The following SELP variants were observed in gnomAD, a reference collection of about 807,000 sequenced individuals.
SELP encodes the protein selectin P, also known as P-selectin.
In SELP, 92 loss-of-function variants were observed where a neutral mutation model predicts 104.1. The observed-to-expected ratio is 0.88, with a 90% CI of 0.75 to 1.05. SELP has a LOEUF of 1.05. Among genes scored for constraint, SELP ranks in the 50% least tolerant of loss-of-function variants. SELP has a pLI of 0.00. For missense variants in SELP, 1,022 were observed against 1,017.3 expected, an observed-to-expected ratio of 1.00 and a Z score of -0.06; for synonymous variants, 397 against 364.5, an observed-to-expected ratio of 1.09 and a Z score of -1.01.
chr1:169,590,308 G>C (rs1661292071), intron 15 of SELP, 106 bp from the exon 16 acceptor site: 1 of 803,350 alleles, frequency 1.2e-6, no homozygotes, highest in Admixed American at 2.2e-5. Context: ...TCCACCCTTG[G>C]AATTCTGCTT....
At chr1:169,590,274 A>G (rs1482440376) in intron 15 of SELP, 72 bp from the exon 16 acceptor site, 1 of 1,115,106 alleles carries the variant, frequency 9.0e-7, no homozygotes, top group African/African-American at 1.6e-5. Flanking sequence ...AACACATAGT[A>G]TTTCCAGAAA....
rs372978525 is a variant in SELP, at chr1:169,617,225, C to A, written c.284G>T (p.Arg95Leu). 1 of 1,614,104 alleles carries A rather than the reference C, an allele frequency of 6.2e-7. No homozygotes were observed. The highest frequency in any genetic ancestry group is 1.1e-5 in the South Asian group (1 of 91,072). The change falls in exon 3 of 17, where the codon CGA (arginine) becomes CTA (leucine). Residue 95 changes from arginine (R) to leucine (L), a missense_variant. Arg to Leu is a moderately radical substitution (Grantham distance 102). Transcript: ENST00000263686. ...YYSSYYWIGI[R>L]KNNKTWTWVG... ...CCATGTCCATGTCTTATTGTTCTTT[C>A]GGATCCCAATCCAGTAGTAGGAGCT... is the stretch of plus-strand genomic sequence containing the variant.
At chr1:169,620,825 G>GTGTGTT (rs1332087648) in intron 1 of SELP, among the ~76,000 whole-genome samples, 1 of 131,544 alleles carries the variant, frequency 7.6e-6, no homozygotes, top group South Asian at 2.7e-4. Context: ...GTGTGTGTGT[G>GTGTGTT]TGTATGTGTC....
chr1:169,617,121 C>T lies in SELP; in HGVS notation c.388G>A (p.Asp130Asn), dbSNP rs749606941. The T allele has an allele frequency of 1.2e-6, 2 of 1,614,046 alleles. No individual in the cohort carries two copies. Among genetic ancestry groups the T allele is most frequent in the South Asian group, 2.2e-5 (2 of 91,058 alleles). The change falls in exon 3 of 17, where the codon GAC (aspartate) becomes AAC (asparagine). Residue 130 changes from aspartate (D) to asparagine (N), a missense_variant. Coordinates refer to ENST00000263686, the MANE Select transcript of SELP (RefSeq NM_003005.4). The stretch of plus-strand genomic sequence containing the variant: ...CTCTTGATGTATATCTCCACGCAGT[C>T]CTCGTTGTTCCTTTTGTTGTTAGGT... ...NEPNNKRNNE[D>N]CVEIYIKSPS...
chr1:169,596,086 G>C lies in SELP; in HGVS notation c.1940C>G (p.Thr647Ser). Reference sequence around the variant, plus strand: ...ACAGTACATGGTTCCCTGCCCAGGAGTGGTGAGGGCTGGACATTGCACCCC... The same window carrying C: ...ACAGTACATGGTTCCCTGCCCAGGACTGGTGAGGGCTGGACATTGCACCCC... ...TPGVQCPALTTPGQGTMYCRH... is the reference protein window; with the variant it reads ...TPGVQCPALTSPGQGTMYCRH... Residue 647 changes from threonine to serine, a missense_variant, in exon 12 of 17, where the codon ACT becomes AGT. By Grantham distance (58) the Thr-to-Ser change is moderately conservative (BLOSUM62 1). Transcript: ENST00000263686. 2 of 1,613,892 alleles carry C rather than the reference G, an allele frequency of 1.2e-6. No individual in the cohort carries two copies. Among genetic ancestry groups the C allele is most frequent in the Non-Finnish European group, 1.7e-6 (2 of 1,179,830 alleles).
intron 5 of SELP, 68 bp from the exon 6 acceptor site, chr1:169,612,470 CA>C: frequency 2.0e-6 from 3 of 1,494,594 alleles, no homozygotes; most frequent in Non-Finnish European, 2.8e-6. Flanking sequence ...TGGAAGCCTT[CA>C]AATTCTGCAG....
At chr1:169,593,779 C>G (rs1366681300) in intron 13 of SELP, 55 bp from the exon 14 acceptor site, 1 of 1,587,148 alleles carries the variant, frequency 6.3e-7, no homozygotes, top group Admixed American at 1.7e-5. Context: ...ATGCAAAAGA[C>G]TAGTCTTTCT....
At chr1:169,594,473 A>G (rs1661497410) in intron 13 of SELP, among the ~76,000 whole-genome samples, 1 of 152,164 alleles carries the variant, frequency 6.6e-6, no homozygotes. Flanking sequence ...CAAACTGAAC[A>G]CTGAAGAGGA....
intron 1 of SELP, among the ~76,000 whole-genome samples, chr1:169,620,241 A>T (rs918386925): frequency 2.6e-5 from 4 of 152,140 alleles, no homozygotes; most frequent in Admixed American, 2.6e-4. Context: ...TGGGCATCTA[A>T]GTTCTAGTGA....
intron 2 of SELP, 23 bp downstream of exon 2, chr1:169,619,106 T>C (rs1662967378): frequency 5.0e-6 from 8 of 1,586,172 alleles, no homozygotes; most frequent in Non-Finnish European, 6.9e-6. Flanking sequence ...TAGGCCTAAG[T>C]GAAAAGTTAG....
chr1:169,593,270 T>C (rs1162915922), intron 14 of SELP, among the ~76,000 whole-genome samples: 1 of 152,190 alleles, frequency 6.6e-6, no homozygotes, highest in East Asian at 1.9e-4. Context: ...GCTTTAGTGA[T>C]AGCCTAGGGT....
chr1:169,608,110 G>A (rs767617120), intron 8 of SELP, among the ~76,000 whole-genome samples: 22 of 150,722 alleles, frequency 1.5e-4, no homozygotes, highest in Non-Finnish European at 3.0e-4. Context: ...CAGCATCATG[G>A]TGTATAGCCA....
intron 10 of SELP, among the ~76,000 whole-genome samples, chr1:169,599,291 C>A (rs1661781287): frequency 6.6e-6 from 1 of 151,200 alleles, no homozygotes. Context: ...AGAGTTATAC[C>A]CAGGAATGAC....
In SELP at chr1:169,619,144, T is replaced by C; in HGVS notation, c.79A>G (p.Ser27Gly). ...TAAAGTTTACCAGAGATCAGGGCAC[T>C]GAAGCAAAGGAGTTGGGAAATTCCA... ...VFGISQLLCF[S>G]ALISELTNQK... The change falls in exon 2 of 17, where the codon AGT becomes GGT. Residue 27 changes from serine to glycine, a missense_variant. Coordinates refer to ENST00000263686, the MANE Select transcript of SELP (RefSeq NM_003005.4). The C allele has an allele frequency of 1.9e-6, 3 of 1,613,760 alleles. No homozygotes were observed. The highest frequency in any genetic ancestry group is 2.5e-6 in the Non-Finnish European group (3 of 1,179,646).
intron 8 of SELP, among the ~76,000 whole-genome samples, chr1:169,608,455 T>G (rs999518044): frequency 6.6e-6 from 1 of 152,160 alleles, no homozygotes; most frequent in African/African-American, 2.4e-5. Context: ...AGTGGAATCA[T>G]ACAGTATTTG....
chr1:169,608,686 A>T (rs947194710), intron 8 of SELP, among the ~76,000 whole-genome samples: 1 of 152,166 alleles, frequency 6.6e-6, no homozygotes, highest in Non-Finnish European at 1.5e-5. Context: ...GTGCACAAAT[A>T]TCTCTTCAAG....
intron 15 of SELP, among the ~76,000 whole-genome samples, chr1:169,591,018 C>G (rs373920615): frequency 6.6e-6 from 1 of 152,126 alleles, no homozygotes; most frequent in African/African-American, 2.4e-5. Context: ...AGACTCTTTA[C>G]CGGAGTTGTT....
rs200871011 is a variant in SELP at position 169,596,049 on chromosome 1, C to A, written c.1977G>T (p.Pro659=). The A allele has an allele frequency of 1.9e-6, 3 of 1,613,892 alleles. No homozygotes were observed. Among genetic ancestry groups the A allele is most frequent in the Non-Finnish European group, 2.5e-6 (3 of 1,179,844 alleles). The stretch of plus-strand genomic sequence containing the variant: ...AAGTGGTATTAAAACCAAAGGTTCC[C>A]GGATGATGCCTACAGTACATGGTTC... ...GQGTMYCRHH[P]GTFGFNTTCY... The change falls in exon 12 of 17, where the codon CCG becomes CCT. Residue 659 remains proline, a synonymous_variant. Coordinates refer to ENST00000263686, the MANE Select transcript of SELP (RefSeq NM_003005.4).
chr1:169,601,597 G>A (rs1050341553), intron 10 of SELP, among the ~76,000 whole-genome samples: 1 of 152,206 alleles, frequency 6.6e-6, no homozygotes, highest in Non-Finnish European at 1.5e-5. Context: ...TGCAATCTGT[G>A]GAGTGGAAAA....
Sources: gnomAD v4.1 joint callset for allele counts (sites outside exome capture counted in the v4.1 genomes callset) on GRCh38, gnomAD v4.1.1 for gene constraint, MANE v1.5 for transcripts, NCBI Gene and HGNC (gene_info 2026-07-23, HGNC 2026-07-21) for gene names.